Variants in CTTNBP2 observed in about 807,000 individuals in gnomAD.
The protein encoded by CTTNBP2 is cortactin binding protein 2, also known as cortactin-binding protein 2.
In CTTNBP2, 108 loss-of-function variants were observed where a neutral mutation model predicts 156.9. The ratio of observed to expected loss-of-function variants is 0.69; its 90% CI spans 0.59 to 0.81. The LOEUF is 0.81. Among genes scored for constraint, CTTNBP2 ranks in the 30% least tolerant of loss-of-function variants. The pLI is 0.00. For missense variants in CTTNBP2, 1,924 were observed against 2,035.4 expected (o/e 0.95, Z 1.05); for synonymous variants, 767 against 751.8 (o/e 1.02, Z -0.33).
At chr7:117,780,396 T>A in intron 7 of CTTNBP2, 45 bp downstream of exon 7, 1 of 1,316,968 alleles carries the variant, frequency 7.6e-7, no homozygotes, top group Non-Finnish European at 1.0e-6. Context: ...TACAAATATA[T>A]TGCAAATTAT....
At chr7:117,774,751 C>T (rs1167820155) in intron 8 of CTTNBP2, among the ~76,000 whole-genome samples, 3 of 152,020 alleles carry the variant, frequency 2.0e-5, no homozygotes, top group East Asian at 1.9e-4. Context: ...CTGAAAACCA[C>T]GTGGAAACTG....
At chr7:117,746,754 A>T (rs1208750829) in intron 12 of CTTNBP2, among the ~76,000 whole-genome samples, 2 of 152,200 alleles carry the variant, frequency 1.3e-5, no homozygotes, top group Non-Finnish European at 2.9e-5. Flanking sequence ...GATCAACTTT[A>T]TATATTATTC....
chr7:117,861,423 C>A, intron 1 of CTTNBP2, 107 bp from the exon 2 acceptor site: 1 of 713,338 alleles, frequency 1.4e-6, no homozygotes, highest in Non-Finnish European at 2.4e-6. Context: ...CTCGGCAGAT[C>A]CAGCAGGCAC....
At chr7:117,851,071 C>T (rs907419640) in intron 2 of CTTNBP2, among the ~76,000 whole-genome samples, 1 of 152,074 alleles carries the variant, frequency 6.6e-6, no homozygotes. Context: ...ACAGAAATTG[C>T]ATTAGGAGCA....
intron 2 of CTTNBP2, among the ~76,000 whole-genome samples, chr7:117,828,396 G>A (rs1007039702): frequency 3.9e-5 from 6 of 152,308 alleles, no homozygotes; most frequent in South Asian, 2.1e-4. Flanking sequence ...CCTGGCTACC[G>A]TTAAGTCAGA....
At chr7:117,718,161 C>G in intron 21 of CTTNBP2, 42 bp from the exon 22 acceptor site, 11 of 1,204,114 alleles carry the variant, frequency 9.1e-6, no homozygotes, top group African/African-American at 3.0e-5. Flanking sequence ...TCCACAGTCA[C>G]ACTGTGCATA....
intron 2 of CTTNBP2, among the ~76,000 whole-genome samples, chr7:117,826,301 C>A (rs1049589341): frequency 6.6e-6 from 1 of 151,976 alleles, no homozygotes; most frequent in African/African-American, 2.4e-5. Context: ...TAAATCTTTT[C>A]AAGAGATAGT....
chr7:117,718,441 CT>C (rs1177470192), intron 21 of CTTNBP2, among the ~76,000 whole-genome samples: 1 of 152,180 alleles, frequency 6.6e-6, no homozygotes, highest in Non-Finnish European at 1.5e-5. Context: ...CATTACCTTA[CT>C]TTTCCAGTGG....
chr7:117,743,720 C>A (rs1796147273), intron 14 of CTTNBP2, among the ~76,000 whole-genome samples: 1 of 136,668 alleles, frequency 7.3e-6, no homozygotes, highest in East Asian at 2.1e-4. Flanking sequence ...CGAGATCGTG[C>A]CACCACACTC....
intron 1 of CTTNBP2, chr7:117,871,980 C>A: frequency 1.0e-6 from 1 of 985,378 alleles, no homozygotes; most frequent in Non-Finnish European, 1.2e-6. Flanking sequence ...AGTTTCCTTA[C>A]TGTGCCCCAC....
At chr7:117,779,924 T>C (rs1210781344) in intron 7 of CTTNBP2, among the ~76,000 whole-genome samples, 1 of 151,928 alleles carries the variant, frequency 6.6e-6, no homozygotes, top group Non-Finnish European at 1.5e-5. Context: ...CCACGCTGGG[T>C]TAATTTTCTA....
At chr7:117,756,399 G>A (rs572576658) in intron 12 of CTTNBP2, among the ~76,000 whole-genome samples, 156 bp downstream of exon 12, 109 of 152,114 alleles carry the variant, frequency 7.2e-4, no homozygotes, top group Non-Finnish European at 8.7e-4. Context: ...TATGTAATGG[G>A]CAGCCTGCCA....
intron 2 of CTTNBP2, among the ~76,000 whole-genome samples, chr7:117,819,421 G>T (rs1800820871): frequency 6.8e-6 from 1 of 147,590 alleles, no homozygotes; most frequent in African/African-American, 2.5e-5. Flanking sequence ...ACACGGAATG[G>T]CTGGGTGACT....
intron 2 of CTTNBP2, among the ~76,000 whole-genome samples, chr7:117,831,923 C>T (rs1368889226): frequency 6.6e-6 from 1 of 152,156 alleles, no homozygotes; most frequent in Non-Finnish European, 1.5e-5. Flanking sequence ...GCTGCCTTCT[C>T]CACTTCCTTT....
chr7:117,775,354 C>G (rs1224357220), intron 8 of CTTNBP2, among the ~76,000 whole-genome samples: 2 of 151,862 alleles, frequency 1.3e-5, no homozygotes, highest in African/African-American at 4.8e-5. Flanking sequence ...GGACAATATG[C>G]CAGAGGTGTG....
At chr7:117,782,343 T>G (rs902148746) in intron 6 of CTTNBP2, among the ~76,000 whole-genome samples, 1 of 152,220 alleles carries the variant, frequency 6.6e-6, no homozygotes, top group Admixed American at 6.5e-5. Context: ...TAATAGGGTC[T>G]CTTTAGCTTA....
At chr7:117,801,834 T>C (rs1211673807) in intron 3 of CTTNBP2, among the ~76,000 whole-genome samples, 4 of 152,222 alleles carry the variant, frequency 2.6e-5, no homozygotes, top group Non-Finnish European at 2.9e-5. Context: ...TACCGTACTA[T>C]TCTTGCAACT....
intron 2 of CTTNBP2, among the ~76,000 whole-genome samples, chr7:117,843,062 G>A (rs9649399): frequency 0.017 from 2,517 of 152,264 alleles, 41 homozygotes; most frequent in Non-Finnish European, 0.028. Context: ...AGAGAAGAAT[G>A]GTTGTAATCT....
chr7:117,725,214 G>C lies in CTTNBP2; in HGVS notation c.4099C>G (p.Gln1367Glu), dbSNP rs1158023168. 21 of 1,614,094 alleles carry C rather than the reference G, an allele frequency of 1.3e-5. No individual in the cohort carries two copies. Among genetic ancestry groups the C allele is most frequent in the East Asian group, 2.2e-5 (1 of 44,880 alleles). ...GAGGCTCTTGACAATATTGCTTCTT[G>C]AACTCTGGGTGCGATGACGCCATTC... ...LWNGVIAPRV[Q>E]EAILSRASVK... The change falls in exon 18 of 23, where the codon CAA becomes GAA. Residue 1367 changes from glutamine (Q) to glutamate (E), a missense_variant. Coordinates refer to ENST00000160373, the MANE Select transcript of CTTNBP2 (RefSeq NM_033427.3).
Sources: gnomAD v4.1 joint callset for allele counts (sites outside exome capture counted in the v4.1 genomes callset) on GRCh38, gnomAD v4.1.1 for gene constraint, MANE v1.5 for transcripts, NCBI Gene and HGNC (gene_info 2026-07-23, HGNC 2026-07-21) for gene names.